Variants in DGCR2 observed in about 807,000 individuals in gnomAD.
The protein encoded by DGCR2 is DiGeorge syndrome critical region gene 2, also known as integral membrane protein DGCR2/IDD.
A neutral mutation model predicts 51.6 loss-of-function variants in DGCR2; 24 were observed. That is an observed-to-expected ratio of 0.47 (90% confidence interval 0.34 to 0.65). DGCR2 has a LOEUF of 0.65. Among genes scored for constraint, DGCR2 ranks in the 30% least tolerant of loss-of-function variants. The pLI is 0.01. For synonymous variants in DGCR2, 340 were observed against 315.4 expected, an observed-to-expected ratio of 1.08 and a Z score of -0.82; for missense variants, 765 against 772.1, an observed-to-expected ratio of 0.99 and a Z score of 0.11.
intron 7 of DGCR2, among the ~76,000 whole-genome samples, chr22:19,044,521 A>C (rs2082467312): frequency 6.6e-6 from 1 of 152,160 alleles, no homozygotes; most frequent in Admixed American, 6.5e-5. Flanking sequence ...TGTGCCTGGC[A>C]GCTGCACCAG....
chr22:19,065,136 C>A, intron 3 of DGCR2, 69 bp from the exon 4 acceptor site: 1 of 1,332,410 alleles, frequency 7.5e-7, no homozygotes, highest in Non-Finnish European at 1.1e-6. Flanking sequence ...ATATGTACTC[C>A]ATCAGGGACA....
chr22:19,117,278 G>T (rs948266617), intron 1 of DGCR2, among the ~76,000 whole-genome samples: 1 of 152,252 alleles, frequency 6.6e-6, no homozygotes, highest in African/African-American at 2.4e-5. Context: ...AGCAGCGAAG[G>T]CGCAGCCTAA....
chr22:19,103,379 T>C (rs2083225158), intron 1 of DGCR2, among the ~76,000 whole-genome samples: 1 of 150,000 alleles, frequency 6.7e-6, no homozygotes, highest in Non-Finnish European at 1.5e-5. Flanking sequence ...TTAAAACTGG[T>C]AAATTGTATG....
chr22:19,068,343 G>T, intron 2 of DGCR2, 118 bp from the exon 3 acceptor site: 1 of 1,224,712 alleles, frequency 8.2e-7, no homozygotes, highest in Non-Finnish European at 1.1e-6. Flanking sequence ...GTAGCACAGA[G>T]TCCGGCAATG....
intron 1 of DGCR2, among the ~76,000 whole-genome samples, chr22:19,092,226 C>G (rs548523386): frequency 6.6e-6 from 1 of 152,110 alleles, no homozygotes; most frequent in African/African-American, 2.4e-5. Flanking sequence ...TGCCTGTGGT[C>G]CCAGCTACTC....
intron 6 of DGCR2, among the ~76,000 whole-genome samples, chr22:19,050,546 T>C (rs1411955005): frequency 6.6e-6 from 1 of 152,230 alleles, no homozygotes; most frequent in Non-Finnish European, 1.5e-5. Context: ...GTAAAGGCAA[T>C]CGTGATTATA....
At chr22:19,055,604 G>GA in intron 6 of DGCR2, among the ~76,000 whole-genome samples, 1 of 152,152 alleles carries the variant, frequency 6.6e-6, no homozygotes, top group East Asian at 1.9e-4. Flanking sequence ...CATCTAAATA[G>GA]AAAATCAACA....
intron 4 of DGCR2, among the ~76,000 whole-genome samples, chr22:19,063,621 T>C (rs1294251842): frequency 6.6e-6 from 1 of 151,924 alleles, no homozygotes; most frequent in Non-Finnish European, 1.5e-5. Context: ...AGTGCTGGGA[T>C]TGTTTTTTAA....
chr22:19,061,005 G>T, intron 5 of DGCR2: 1 of 259,696 alleles, frequency 3.9e-6, no homozygotes, highest in Non-Finnish European at 8.1e-6. Flanking sequence ...GTAGATGAAA[G>T]AAACATTTTT....
chr22:19,082,580 T>C (rs921199577), intron 2 of DGCR2, among the ~76,000 whole-genome samples: 2 of 151,132 alleles, frequency 1.3e-5, no homozygotes, highest in Admixed American at 1.3e-4. Flanking sequence ...CAAAACCCCG[T>C]CTCTACTAAA....
At chr22:19,042,990 C>G (rs551156593) in intron 7 of DGCR2, among the ~76,000 whole-genome samples, 1 of 152,284 alleles carries the variant, frequency 6.6e-6, no homozygotes, top group East Asian at 1.9e-4. Flanking sequence ...CACTGAGATG[C>G]TCTCCCGGCT....
intron 1 of DGCR2, among the ~76,000 whole-genome samples, chr22:19,110,087 C>G (rs2083298656): frequency 6.6e-6 from 1 of 152,302 alleles, no homozygotes; most frequent in South Asian, 2.1e-4. Context: ...AAAGAACATT[C>G]AAAGGAAACA....
At chr22:19,113,341 G>C (rs1398587867) in intron 1 of DGCR2, among the ~76,000 whole-genome samples, 1 of 151,742 alleles carries the variant, frequency 6.6e-6, no homozygotes, top group African/African-American at 2.4e-5. Flanking sequence ...CTGCACTCCA[G>C]CCTGGCAACA....
At chr22:19,041,425 C>T (rs2082430759) in intron 8 of DGCR2, 131 bp from the exon 9 acceptor site, 2 of 859,656 alleles carry the variant, frequency 2.3e-6, no homozygotes, top group South Asian at 1.6e-5. Flanking sequence ...CGCTGCCTAC[C>T]CCTCGGCCAC....
intron 5 of DGCR2, among the ~76,000 whole-genome samples, chr22:19,062,779 ACT>A (rs11471797): frequency 0.011 from 1,370 of 126,758 alleles, 29 homozygotes; most frequent in Non-Finnish European, 0.012. Flanking sequence ...ATGCATGCTC[ACT>A]CTCTCTCTCT....
intron 6 of DGCR2, chr22:19,056,432 C>T: frequency 1.9e-6 from 1 of 521,250 alleles, no homozygotes; most frequent in Non-Finnish European, 3.5e-6. Flanking sequence ...CAGCTGCCAT[C>T]CCAGAGCCAG....
chr22:19,091,260 G>A (rs1462404786), intron 1 of DGCR2, among the ~76,000 whole-genome samples: 1 of 152,194 alleles, frequency 6.6e-6, no homozygotes, highest in East Asian at 1.9e-4. Flanking sequence ...TCGAGAGGCT[G>A]AGGTGGGAGG....
chr22:19,059,142 G>A (rs1006224906), intron 5 of DGCR2, among the ~76,000 whole-genome samples: 1 of 152,204 alleles, frequency 6.6e-6, no homozygotes, highest in Non-Finnish European at 1.5e-5. Context: ...TGAAGGAAGG[G>A]GCTGCTGGCC....
In DGCR2 at chr22:19,122,286, G is replaced by C; in HGVS notation, c.-80C>G. ...GAGGGTCAGGGGACCGTGCCAAGCG[G>C]AGGGTCAGGCGGAGCTGAACCTGGG... is the stretch of plus-strand genomic sequence containing the variant. On this transcript the variant is annotated 5_prime_UTR_variant, in exon 1 of 10. Coordinates refer to ENST00000263196, the MANE Select transcript of DGCR2 (RefSeq NM_005137.3). 1 of 1,251,350 alleles carries C rather than the reference G, an allele frequency of 8.0e-7. No homozygotes were observed. The highest frequency in any genetic ancestry group is 3.2e-5 in the East Asian group (1 of 31,308). The allele number at this position is 1,251,350 out of a possible 1,614,324, so 77.5% of individuals were successfully genotyped here. A position where few individuals can be genotyped will look rare whatever the true frequency, so the allele number is the denominator to read the frequency against.
Sources: gnomAD v4.1 joint callset for allele counts (sites outside exome capture counted in the v4.1 genomes callset) on GRCh38, gnomAD v4.1.1 for gene constraint, MANE v1.5 for transcripts, NCBI Gene and HGNC (gene_info 2026-07-23, HGNC 2026-07-21) for gene names.